Variants in STK32B observed in about 807,000 individuals in gnomAD.
STK32B encodes serine/threonine kinase 32B.
STK32B carries 43 observed loss-of-function variants against 52.6 expected under a neutral mutation model. The ratio of observed to expected loss-of-function variants is 0.82; its 90% confidence interval spans 0.64 to 1.05. STK32B has a LOEUF of 1.05. Ranked by LOEUF, STK32B falls within the 50% of genes least tolerant of loss-of-function variation. STK32B has a pLI of 0.00. For synonymous variants in STK32B, 238 were observed against 204.3 expected (o/e 1.17, Z -1.41); for missense variants, 621 against 534.6 (o/e 1.16, Z -1.59).
chr4:5,310,879 G>A lies in STK32B; in HGVS notation c.261-20341G>A, dbSNP rs888180467. On this transcript the variant is annotated intron_variant, in intron 3 of 11. Transcript: ENST00000282908. ...TAGCCATAAAAAATGAAATTCTGTC[G>A]TTCATGGCAACATGGATGAGCTTGA... is the stretch of plus-strand genomic sequence containing the variant. Among the ~76,000 whole-genome samples the A allele has an allele frequency of 3.9e-5, 6 of 152,104 alleles. No homozygotes were observed. The South Asian group carries it at 6.2e-4, about 16-fold the overall frequency.
At chr4:5,026,241 G>A in the STK32B span, among the ~76,000 whole-genome samples, 31 of 152,232 alleles carry the variant, frequency 2.0e-4, no homozygotes, top group African/African-American at 7.2e-4. Context: ...ATTCCAATAA[G>A]TGATACAGGT....
intron 1 of STK32B, among the ~76,000 whole-genome samples, chr4:5,060,093 A>C (rs1013449750): frequency 6.6e-6 from 1 of 152,126 alleles, no homozygotes; most frequent in Non-Finnish European, 1.5e-5. Flanking sequence ...CGGCCTCCCG[A>C]GTAGCTGGGA....
chr4:5,370,415 A>G (rs929146400), intron 4 of STK32B, among the ~76,000 whole-genome samples: 20 of 152,312 alleles, frequency 1.3e-4, no homozygotes, highest in East Asian at 3.9e-4. Context: ...AATGACATCA[A>G]TGGGTAAAGA....
chr4:5,053,894 G>T (rs897261223), intron 1 of STK32B, among the ~76,000 whole-genome samples: 3 of 152,022 alleles, frequency 2.0e-5, no homozygotes, highest in African/African-American at 7.2e-5. Flanking sequence ...CAGGAGAATC[G>T]CTTGAACCCG....
At chr4:5,105,491 C>G (rs1164315064) in intron 1 of STK32B, among the ~76,000 whole-genome samples, 1 of 152,158 alleles carries the variant, frequency 6.6e-6, no homozygotes, top group African/African-American at 2.4e-5. Context: ...GCTATAACTT[C>G]TATCACTGAG....
At chr4:5,293,006 T>G (rs746082648) in intron 3 of STK32B, among the ~76,000 whole-genome samples, 1 of 152,130 alleles carries the variant, frequency 6.6e-6, no homozygotes, top group Non-Finnish European at 1.5e-5. Context: ...GTGTTCTCAT[T>G]GTTCAGCTCC....
chr4:5,027,020 C>G, the STK32B span, among the ~76,000 whole-genome samples: 1 of 152,204 alleles, frequency 6.6e-6, no homozygotes, highest in Non-Finnish European at 1.5e-5. Context: ...CATTTGAGGT[C>G]AGGAGCCACT....
At chr4:5,311,213 G>A (rs6813470) in intron 3 of STK32B, among the ~76,000 whole-genome samples, 19,498 of 152,116 alleles carry the variant, frequency 0.13, 2,711 homozygotes, top group African/African-American at 0.36. Flanking sequence ...TCACATACCT[G>A]GAAGAGCAGA....
At chr4:5,041,031 G>C in the STK32B span, among the ~76,000 whole-genome samples, 1 of 152,206 alleles carries the variant, frequency 6.6e-6, no homozygotes, top group Non-Finnish European at 1.5e-5. Context: ...TGTGTCATGT[G>C]ACTGTGTCTA....
chr4:5,028,285 A>G, the STK32B span, among the ~76,000 whole-genome samples: 4 of 152,266 alleles, frequency 2.6e-5, no homozygotes, highest in South Asian at 2.1e-4. Flanking sequence ...AGCTGGGACT[A>G]CAGGGGCTCA....
rs1724815117 is a variant in STK32B, at chr4:5,238,923, A to T, written c.260+70473A>T. On this transcript the variant is annotated intron_variant, in intron 3 of 11. Coordinates refer to ENST00000282908, the MANE Select transcript of STK32B (RefSeq NM_018401.3). ...GTAATACATTGAGTTCTGTAACAGC[A>T]ATTAAAAGAGGTACTATGGAAAGTA... Among the ~76,000 whole-genome samples, 6 of 152,356 alleles carry T rather than the reference A, an allele frequency of 3.9e-5. 1 individual carries two copies. The South Asian group carries it at 1.2e-3, about 32-fold the overall frequency.
At chr4:5,368,056 T>G (rs1734990638) in intron 4 of STK32B, among the ~76,000 whole-genome samples, 1 of 152,178 alleles carries the variant, frequency 6.6e-6, no homozygotes, top group Admixed American at 6.5e-5. Context: ...CTACCTCTTC[T>G]GGGTTTCTTG....
intron 3 of STK32B, among the ~76,000 whole-genome samples, chr4:5,189,124 A>G (rs1322220636): frequency 6.6e-6 from 1 of 152,082 alleles, no homozygotes; most frequent in East Asian, 1.9e-4. Context: ...ACAGTGGTAT[A>G]ATTTTTACCT....
At chr4:5,385,819 C>T (rs1736211254) in intron 4 of STK32B, among the ~76,000 whole-genome samples, 2 of 152,006 alleles carry the variant, frequency 1.3e-5, no homozygotes, top group South Asian at 4.1e-4. Flanking sequence ...GCCACAGCCT[C>T]GCCCACAGTC....
chr4:5,172,454 A>G (rs1446213937), intron 3 of STK32B, among the ~76,000 whole-genome samples: 2 of 151,880 alleles, frequency 1.3e-5, no homozygotes, highest in African/African-American at 4.8e-5. Flanking sequence ...TTTGTCATAG[A>G]TAGCTCTTAT....
In STK32B at chr4:5,453,505, A is replaced by G. The variant is rs937570803; in HGVS notation, c.667-3302A>G. The stretch of plus-strand genomic sequence containing the variant: ...TTTGAAATGAGGGATGAAGTGCCCC[A>G]TCATTGTCCAGGGTCTTTGCACCTC... On this transcript the variant is annotated intron_variant, in intron 7 of 11. Transcript: ENST00000282908. The surrounding 1 kb of genome is among the most constrained non-coding windows in gnomAD (Gnocchi z 4.0). Among the ~76,000 whole-genome samples, 1 of 152,112 alleles carries G rather than the reference A, an allele frequency of 6.6e-6. No individual in the cohort carries two copies. The highest frequency in any genetic ancestry group is 1.5e-5 in the Non-Finnish European group (1 of 68,024).
intron 3 of STK32B, among the ~76,000 whole-genome samples, chr4:5,233,269 T>C (rs905950442): frequency 2.0e-5 from 3 of 152,158 alleles, no homozygotes; most frequent in Admixed American, 2.0e-4. Context: ...TTATGTGGTA[T>C]TCTCCAGTAG....
At chr4:5,085,838 C>G (rs992488472) in intron 1 of STK32B, among the ~76,000 whole-genome samples, 4 of 152,254 alleles carry the variant, frequency 2.6e-5, no homozygotes, top group Middle Eastern at 3.4e-3. Context: ...TCAGCGATAG[C>G]CTTGAAAATA....
At chr4:5,056,783 T>C (rs1742023240) in intron 1 of STK32B, among the ~76,000 whole-genome samples, 1 of 152,202 alleles carries the variant, frequency 6.6e-6, no homozygotes, top group Non-Finnish European at 1.5e-5. Flanking sequence ...ATGCCCACTT[T>C]TGGATTCAGG....
Sources: gnomAD v4.1 joint callset for allele counts (sites outside exome capture counted in the v4.1 genomes callset) on GRCh38, gnomAD v4.1.1 for gene constraint, Gnocchi (gnomAD v3.1) non-coding constraint, MANE v1.5 for transcripts, NCBI Gene and HGNC (gene_info 2026-07-23, HGNC 2026-07-21) for gene names.